Variants in FBRS observed in about 807,000 individuals in gnomAD.
The protein encoded by FBRS is probable fibrosin-1.
FBRS carries 15 observed loss-of-function variants against 86.1 expected under a neutral mutation model. The ratio of observed to expected loss-of-function variants is 0.17; its 90% CI spans 0.12 to 0.27. The LOEUF is 0.27. Among genes scored for constraint, FBRS ranks in the 10% least tolerant of loss-of-function variants. FBRS has a pLI of 1.00. For missense variants in FBRS, 1,367 were observed against 1,301.6 expected (o/e 1.05, Z -0.77); for synonymous variants, 666 against 575.8 (o/e 1.16, Z -2.24).
At position 30,668,590 on chromosome 16, in the gene FBRS, C is replaced by T; in HGVS notation, c.2105C>T (p.Ser702Phe). 6.2e-7 allele frequency: 1 copy of T among 1,612,556 alleles called. No homozygotes were observed. The highest frequency in any genetic ancestry group is 8.5e-7 in the Non-Finnish European group (1 of 1,178,930). Residue 702 changes from serine (S) to phenylalanine (F), a missense_variant, in exon 16 of 18, where the codon TCT becomes TTT. By Grantham distance (155) the Ser-to-Phe change is radical. Coordinates refer to ENST00000356166, the MANE Select transcript of FBRS (RefSeq NM_001105079.3). The stretch of plus-strand genomic sequence containing the variant: ...TTTGGGCGTCCCACAAGCTTCGCCT[C>T]TTTGGCTGCCCTCTCCAACGGGGCC... ...DPFGRPTSFASLAALSNGAFG... is the reference protein window; with the variant it reads ...DPFGRPTSFAFLAALSNGAFG...
At position 30,665,940 on chromosome 16, in the gene FBRS, G is replaced by A. The variant is rs2052517930; in HGVS notation, c.1773+234G>A. The A allele has an allele frequency of 4.0e-6, 2 of 494,590 alleles. No individual in the cohort carries two copies. The highest frequency in any genetic ancestry group is 3.8e-5 in the Admixed American group (1 of 26,328). 30.6% of individuals were successfully genotyped at this position (494,590 alleles called of 1,614,324 possible). A position where few individuals can be genotyped will look rare whatever the true frequency, so the allele number is the denominator to read the frequency against. ...GATTAGGACAATGGTTTTTGTAGTG[G>A]TTTTCAAACTTTTTAATAAAGTTAC... On this transcript the variant is annotated intron_variant, in intron 11 of 17. Transcript: ENST00000356166. This position sits in a 1 kb window ranked among gnomAD's most constrained non-coding sequence, Gnocchi z 4.1.
In FBRS at chr16:30,670,469, T is replaced by C. The variant is rs2151274985; in HGVS notation, c.*824T>C. 1 of 329,102 alleles carries C rather than the reference T, an allele frequency of 3.0e-6. No homozygotes were observed. Among genetic ancestry groups the C allele is most frequent in the Admixed American group, 4.2e-5 (1 of 23,642 alleles). The allele number at this position is 329,102 out of a possible 1,614,324, so 20.4% of individuals were successfully genotyped here. ...ACCACCTCTTAATGGCTCAGTCCCC[T>C]TCACCCCATTTCCAAGTGCCCCCAG... is the stretch of plus-strand genomic sequence containing the variant. On this transcript the variant is annotated 3_prime_UTR_variant, in exon 18 of 18. Transcript: ENST00000356166.
chr16:30,660,838 A>C (rs2052451048), intron 2 of FBRS, among the ~76,000 whole-genome samples: 1 of 152,152 alleles, frequency 6.6e-6, no homozygotes, highest in Admixed American at 6.5e-5. Flanking sequence ...ACAGAAACCC[A>C]CATGAGGAAG....
rs2151267830 is a variant in FBRS at position 30,662,812 on chromosome 16, C to T, written c.1008C>T (p.Gly336=). 3 of 1,475,746 alleles carry T rather than the reference C, an allele frequency of 2.0e-6. No homozygotes were observed. Among genetic ancestry groups the T allele is most frequent in the Middle Eastern group, 1.8e-4 (1 of 5,634 alleles). The allele number at this position is 1,475,746 out of a possible 1,614,324, so 91.4% of individuals were successfully genotyped here. The change falls in exon 6 of 18, where the codon GGC becomes GGT. Residue 336 remains glycine, a synonymous_variant. Coordinates refer to ENST00000356166, the MANE Select transcript of FBRS (RefSeq NM_001105079.3). ...TGCAGCTTCGGGTCTCACCCTTCGG[C>T]CTCCGCACTTCTCCATATGGCAGCA... The part of the protein sequence containing the change: ...PQLQLRVSPF[G]LRTSPYGSSL...
rs768449128 is a variant in FBRS, at chr16:30,669,572, C to A, written c.2870C>A (p.Pro957Gln). ...CCACCGGGAGCCCTTTTGGGGGCAC[C>A]ACCTCCGCTTGTGCCCGCCCCCCGG... ...KTPPGALLGA[P>Q]PPLVPAPRPS... The change falls in exon 18 of 18, where the codon CCA becomes CAA. Residue 957 changes from proline (P) to glutamine (Q), a missense_variant. Around this residue, in one of 3 missense-constraint regions of FBRS, gnomAD observed 659 missense variants for 678.8 expected, o/e 0.97. Transcript: ENST00000356166. The surrounding 1 kb of genome is among the most constrained non-coding windows in gnomAD (Gnocchi z 5.9). 8 of 1,612,444 alleles carry A rather than the reference C, an allele frequency of 5.0e-6. No homozygotes were observed. Among genetic ancestry groups the A allele is most frequent in the Non-Finnish European group, 6.8e-6 (8 of 1,179,748 alleles).
intron 12 of FBRS, 27 bp from the exon 13 acceptor site, chr16:30,666,892 C>T: frequency 6.2e-7 from 1 of 1,606,200 alleles, no homozygotes; most frequent in East Asian, 2.2e-5. Flanking sequence ...CTTCCCTTTC[C>T]CTTTGGTCAT....
In FBRS at chr16:30,659,856, A is replaced by G. The variant is rs1171920615; in HGVS notation, c.338A>G (p.Glu113Gly). 3 of 1,538,552 alleles carry G rather than the reference A, an allele frequency of 1.9e-6. No individual in the cohort carries two copies. Among genetic ancestry groups the G allele is most frequent in the Non-Finnish European group, 8.7e-7 (1 of 1,145,148 alleles). The change falls in exon 1 of 18, where the codon GAG (glutamate) becomes GGG (glycine). Residue 113 changes from glutamate to glycine, a missense_variant. Glu to Gly is a moderately conservative substitution (Grantham distance 98). Coordinates refer to ENST00000356166, the MANE Select transcript of FBRS (RefSeq NM_001105079.3). Reference protein sequence around the residue: ...GSRGEEEEEEEEEGGADDGEA... With the variant: ...GSRGEEEEEEGEEGGADDGEA... ...CGCGGGGAGGAAGAGGAGGAGGAGG[A>G]GGAGGAGGGGGGCGCAGACGACGGC... is the stretch of plus-strand genomic sequence containing the variant.
At chr16:30,660,708 A>G (rs1331542700) in intron 2 of FBRS, 1 of 526,798 alleles carries the variant, frequency 1.9e-6, no homozygotes, top group Non-Finnish European at 3.0e-6. Flanking sequence ...GTCGTAAATT[A>G]ATTGTGGTTC....
Position 30,668,856 on chromosome 16 carries a change from A to C in FBRS, c.2243A>C (p.His748Pro). 6.3e-7 allele frequency: 1 copy of C among 1,591,004 alleles called. No individual in the cohort carries two copies. The highest frequency in any genetic ancestry group is 8.5e-7 in the Non-Finnish European group (1 of 1,173,352). ...CCACCGGACCCATGGGGCCGCCTGC[A>C]CCGCAGTCCTCTGACCTTTCCTGCC... ...ASPPDPWGRL[H>P]RSPLTFPAWV... Residue 748 changes from histidine (H) to proline (P), a missense_variant, in exon 17 of 18, where the codon CAC (histidine) becomes CCC (proline). This residue lies in a region of FBRS where 659 missense variants were observed against 678.8 expected (regional missense o/e 0.97). Coordinates refer to ENST00000356166, the MANE Select transcript of FBRS (RefSeq NM_001105079.3).
chr16:30,662,291 C>T (rs1462514870), intron 4 of FBRS, 129 bp from the exon 5 acceptor site: 2 of 1,401,498 alleles, frequency 1.4e-6, no homozygotes, highest in African/African-American at 1.4e-5. Context: ...TGATGGATCT[C>T]AGCTAAACTG....
rs1439579948 is a variant in FBRS, at chr16:30,659,830, C to T, written c.312C>T (p.Ser104=). ...RARKRPAGSG[S]RGEEEEEEEE... ...GGAAGCGGCCTGCCGGCTCGGGCAGCCGCGGGGAGGAAGAGGAGGAGGAGG... is the reference window on the plus strand; with the variant it reads ...GGAAGCGGCCTGCCGGCTCGGGCAGTCGCGGGGAGGAAGAGGAGGAGGAGG... The change falls in exon 1 of 18, where the codon AGC becomes AGT. Residue 104 remains serine, a synonymous_variant. Transcript: ENST00000356166. 6.6e-7 allele frequency: 1 copy of T among 1,523,418 alleles called. No homozygotes were observed. Among genetic ancestry groups the T allele is most frequent in the Non-Finnish European group, 8.8e-7 (1 of 1,139,290 alleles). 94.4% of individuals were successfully genotyped at this position (1,523,418 alleles called of 1,614,324 possible). A position where few individuals can be genotyped will look rare whatever the true frequency, so the allele number is the denominator to read the frequency against.
In FBRS at chr16:30,665,014, C is replaced by T; in HGVS notation, c.1564-21C>T. On this transcript the variant is annotated intron_variant, in intron 8 of 17. Coordinates refer to ENST00000356166, the MANE Select transcript of FBRS (RefSeq NM_001105079.3). This position sits in a 1 kb window ranked among gnomAD's most constrained non-coding sequence, Gnocchi z 4.1. The stretch of plus-strand genomic sequence containing the variant: ...GCCCGGGTCCCTGGCTGGCAGCTTA[C>T]TCTTCCCTTCTCTTCCCTAGTTTGA... 1 of 1,612,680 alleles carries T rather than the reference C, an allele frequency of 6.2e-7. No homozygotes were observed. The highest frequency in any genetic ancestry group is 8.5e-7 in the Non-Finnish European group (1 of 1,179,256).
rs1161280985 is a variant in FBRS at position 30,659,064 on chromosome 16, C to G, written c.-455C>G. The G allele has an allele frequency of 6.6e-6, 1 of 152,172 alleles. No individual in the cohort carries two copies. Among genetic ancestry groups the G allele is most frequent in the Non-Finnish European group, 1.5e-5 (1 of 68,086 alleles). 9.4% of individuals were successfully genotyped at this position (152,172 alleles called of 1,614,324 possible). On this transcript the variant is annotated 5_prime_UTR_variant, in exon 1 of 18. Transcript: ENST00000356166. ...GGGGTGGCCTCTTTGAGCCGGAGGACTTGAGACACTTTTAAAGGGGAGGTC... is the reference window on the plus strand; with the variant it reads ...GGGGTGGCCTCTTTGAGCCGGAGGAGTTGAGACACTTTTAAAGGGGAGGTC...
intron 15 of FBRS, 65 bp downstream of exon 15, chr16:30,667,687 G>A: frequency 2.2e-6 from 3 of 1,382,912 alleles, no homozygotes; most frequent in Non-Finnish European, 2.9e-6. Context: ...ATGGAAATCA[G>A]ACCCAGCAGG....
Position 30,662,710 on chromosome 16 carries a change from G to T in FBRS, c.906G>T (p.Pro302=), listed in dbSNP as rs1334193709. Reference sequence around the variant, plus strand: ...CCCCAAAGGAACCACCGCCTCCACCGGTCCCTCGGCCTCCTGTCTCACCCC... The same window carrying T: ...CCCCAAAGGAACCACCGCCTCCACCTGTCCCTCGGCCTCCTGTCTCACCCC... The part of the protein sequence containing the change: ...PFPPKEPPPP[P]VPRPPVSPPA... The change falls in exon 6 of 18, where the codon CCG becomes CCT. Residue 302 remains proline, a synonymous_variant. Coordinates refer to ENST00000356166, the MANE Select transcript of FBRS (RefSeq NM_001105079.3). The T allele has an allele frequency of 1.9e-6, 3 of 1,548,110 alleles. No individual in the cohort carries two copies. The highest frequency in any genetic ancestry group is 2.7e-5 in the African/African-American group (2 of 72,992).
intron 1 of FBRS, 109 bp downstream of exon 1, chr16:30,660,086 A>G: frequency 2.1e-6 from 3 of 1,451,074 alleles, no homozygotes; most frequent in African/African-American, 2.9e-5. Context: ...ACCCCAAACC[A>G]GAGCAACCGG....
Position 30,665,210 on chromosome 16 carries a change from G to A in FBRS, c.1609-96G>A. The A allele has an allele frequency of 6.6e-7, 1 of 1,510,804 alleles. No individual in the cohort carries two copies. The highest frequency in any genetic ancestry group is 8.9e-7 in the Non-Finnish European group (1 of 1,121,182). The allele number at this position is 1,510,804 out of a possible 1,614,324, so 93.6% of individuals were successfully genotyped here. On this transcript the variant is annotated intron_variant, in intron 9 of 17. Transcript: ENST00000356166. This position sits in a 1 kb window ranked among gnomAD's most constrained non-coding sequence, Gnocchi z 4.1. ...AGCCTTGAGCCTGGGACAGCTCCCT[G>A]GGGGGCTTTAGGGTGGAGGCCCGTG...
intron 4 of FBRS, chr16:30,661,909 C>A (rs1216217149): frequency 5.6e-6 from 1 of 178,544 alleles, no homozygotes; most frequent in African/African-American, 2.4e-5. Context: ...CTGGATAGGA[C>A]TGTGGTGAAC....
intron 1 of FBRS, 30 bp downstream of exon 1, chr16:30,660,007 G>A (rs1487243824): frequency 1.2e-5 from 18 of 1,543,040 alleles, no homozygotes; most frequent in Non-Finnish European, 1.6e-5. Context: ...GGAGACTTTG[G>A]GGGTTTCCGA....
Sources: allele counts gnomAD v4.1 joint callset (sites outside exome capture counted in the v4.1 genomes callset), GRCh38; gene constraint gnomAD v4.1.1; regional missense constraint gnomAD v4.1.1; non-coding constraint Gnocchi (gnomAD v3.1); transcripts MANE v1.5; gene names NCBI Gene and HGNC (gene_info 2026-07-23, HGNC 2026-07-21).